DOCK2: variants seen among roughly 807,000 people sequenced by gnomAD.
DOCK2 encodes dedicator of cytokinesis protein 2.
Under a neutral mutation model 248.9 loss-of-function variants are expected in DOCK2, and 87 were observed. That is an observed-to-expected ratio of 0.35 (90% CI 0.29 to 0.42). The LOEUF (loss-of-function observed/expected upper bound fraction) is 0.42, where lower values mean the gene tolerates loss of function less well. Among genes scored for constraint, DOCK2 ranks in the 10% least tolerant of loss-of-function variants. DOCK2 has a pLI of 1.00. For missense variants in DOCK2, 1,747 were observed against 2,300.2 expected, an observed-to-expected ratio of 0.76 and a Z score of 4.92; for synonymous variants, 805 against 821.6, an observed-to-expected ratio of 0.98 and a Z score of 0.35.
chr5:170,025,790 C>CCCT (rs1554126871), intron 33 of DOCK2, among the ~76,000 whole-genome samples: 5 of 67,544 alleles, frequency 7.4e-5, no homozygotes, highest in African/African-American at 1.0e-4. Context: ...CTCCTTCCCT[C>CCCT]CCTTCCTTCC....
intron 22 of DOCK2, among the ~76,000 whole-genome samples, chr5:169,736,359 G>A (rs1277566427): frequency 6.6e-6 from 1 of 152,214 alleles, no homozygotes; most frequent in Non-Finnish European, 1.5e-5. Flanking sequence ...AAGCTCACCT[G>A]TTTGGGTCAG....
chr5:169,859,383 C>T (rs924749208), intron 27 of DOCK2, among the ~76,000 whole-genome samples: 1 of 152,174 alleles, frequency 6.6e-6, no homozygotes, highest in African/African-American at 2.4e-5. Context: ...GGATTATGTT[C>T]ATTAAACCAG....
intron 46 of DOCK2, among the ~76,000 whole-genome samples, chr5:170,070,928 T>C (rs767366994): frequency 6.6e-6 from 1 of 152,172 alleles, no homozygotes; most frequent in Non-Finnish European, 1.5e-5. Context: ...TTTGAAAGCA[T>C]GTACTCTATT....
At chr5:169,815,451 C>G (rs1768006891) in intron 26 of DOCK2, among the ~76,000 whole-genome samples, 1 of 152,136 alleles carries the variant, frequency 6.6e-6, no homozygotes, top group African/African-American at 2.4e-5. Context: ...TCACACACTC[C>G]CTCCTTCCTA....
rs775280554 is a variant in DOCK2, at chr5:169,812,206, C to T, written c.2703+9000C>T. On this transcript the variant is annotated intron_variant, in intron 26 of 51. Transcript: ENST00000520908. ...ATGGCTTGCATTACTGCCTGAGCTCCGCCTCCTTCAGATCAGCGACGGCAT... is the reference window on the plus strand; with the variant it reads ...ATGGCTTGCATTACTGCCTGAGCTCTGCCTCCTTCAGATCAGCGACGGCAT... Among the ~76,000 whole-genome samples, 13 of 152,322 alleles carry T rather than the reference C, an allele frequency of 8.5e-5. No homozygotes were observed. In the South Asian group the frequency reaches 1.7e-3, roughly 19 times the overall value.
chr5:170,068,476 C>G (rs538087357), intron 45 of DOCK2, among the ~76,000 whole-genome samples: 1 of 152,300 alleles, frequency 6.6e-6, no homozygotes, highest in African/African-American at 2.4e-5. Context: ...GAATACCACA[C>G]AGTAGTATAA....
At chr5:169,816,114 T>G (rs539450203) in intron 26 of DOCK2, among the ~76,000 whole-genome samples, 100 of 152,198 alleles carry the variant, frequency 6.6e-4, no homozygotes, top group African/African-American at 2.3e-3. Flanking sequence ...TTGGTCCAGG[T>G]TACAGTTGCT....
intron 27 of DOCK2, among the ~76,000 whole-genome samples, chr5:169,851,128 A>G (rs1770599009): frequency 6.6e-6 from 1 of 152,204 alleles, no homozygotes; most frequent in African/African-American, 2.4e-5. Context: ...CAGGCACTCA[A>G]TTCAAGCTAT....
rs17737476 is a variant in DOCK2, at chr5:169,838,003, T to G, written c.2704-2754T>G. Among the ~76,000 whole-genome samples, 422 of 150,186 alleles carry G rather than the reference T, an allele frequency of 2.8e-3. 15 individuals carry two copies. In the East Asian group the frequency reaches 0.065, roughly 23 times the overall value. ...AAGAGATGTAATCCTGGAAAAAAAA[T>G]AGCATCAAAATGAAAACCATTATAT... is the stretch of plus-strand genomic sequence containing the variant. On this transcript the variant is annotated intron_variant, in intron 26 of 51. Transcript: ENST00000520908.
intron 26 of DOCK2, among the ~76,000 whole-genome samples, chr5:169,819,053 T>C (rs896077313): frequency 3.3e-5 from 5 of 152,202 alleles, no homozygotes; most frequent in African/African-American, 4.8e-5. Flanking sequence ...ATGCCTTCGC[T>C]TTTATATCTG....
intron 36 of DOCK2, among the ~76,000 whole-genome samples, chr5:170,039,215 G>T (rs1352990957): frequency 1.3e-5 from 2 of 152,054 alleles, no homozygotes; most frequent in Admixed American, 6.5e-5. Context: ...AAATGTTTCT[G>T]CCTGGGAAGC....
In DOCK2 at chr5:170,008,284, C is replaced by T. The variant is rs556042055; in HGVS notation, c.3073-213C>T. Among the ~76,000 whole-genome samples, 8 of 151,818 alleles carry T rather than the reference C, an allele frequency of 5.3e-5. No homozygotes were observed. In the South Asian group the frequency reaches 1.0e-3, roughly 20 times the overall value. ...CCAAATCCTGTTGTCTGAGAGTGGA[C>T]GTGGTAGCGCCTAGAGAAATCCATC... On this transcript the variant is annotated intron_variant, in intron 30 of 51. Transcript: ENST00000520908.
At chr5:169,966,078 G>C (rs935171462) in intron 27 of DOCK2, among the ~76,000 whole-genome samples, 2 of 152,172 alleles carry the variant, frequency 1.3e-5, no homozygotes, top group Admixed American at 6.5e-5. Context: ...TGCCAATCTC[G>C]AAATGGCAAT....
intron 1 of DOCK2, among the ~76,000 whole-genome samples, chr5:169,648,300 GGTT>G (rs772315038): frequency 6.6e-6 from 1 of 152,070 alleles, no homozygotes; most frequent in Non-Finnish European, 1.5e-5. Flanking sequence ...CCCTCCCCCA[GGTT>G]GGGACAAGAA....
chr5:169,928,803 G>A (rs921733365), intron 27 of DOCK2, among the ~76,000 whole-genome samples: 4 of 152,198 alleles, frequency 2.6e-5, no homozygotes, highest in Non-Finnish European at 4.4e-5. Flanking sequence ...CAGATCTAAT[G>A]TTATTAGGTT....
At chr5:169,880,587 C>T (rs1317997613) in intron 27 of DOCK2, among the ~76,000 whole-genome samples, 1 of 152,210 alleles carries the variant, frequency 6.6e-6, no homozygotes, top group African/African-American at 2.4e-5. Flanking sequence ...GGGCATTGAT[C>T]TTTCTAGTAA....
At chr5:169,939,546 A>G (rs980520548) in intron 27 of DOCK2, among the ~76,000 whole-genome samples, 4 of 152,028 alleles carry the variant, frequency 2.6e-5, no homozygotes, top group African/African-American at 9.7e-5. Context: ...TATGTGCTGT[A>G]TGTAATTGTG....
In DOCK2 at chr5:170,045,902, C is replaced by T. The variant is rs759405150; in HGVS notation, c.3963C>T (p.Asn1321=). 7 of 1,614,014 alleles carry T rather than the reference C, an allele frequency of 4.3e-6. No homozygotes were observed. Among genetic ancestry groups the T allele is most frequent in the African/African-American group, 1.3e-5 (1 of 74,922 alleles). The change falls in exon 39 of 52, where the codon AAC becomes AAT. Residue 1321 remains asparagine (N), a synonymous_variant. Coordinates refer to ENST00000520908, the MANE Select transcript of DOCK2 (RefSeq NM_004946.3). ...TTGACTATGAGCTGCTCAGCCAGAA[C>T]CTGGTAAGGCATCCCCTGGGAAGGC... The part of the protein sequence containing the change: ...EIFDYELLSQ[N]LIQQAKFYES...
intron 32 of DOCK2, among the ~76,000 whole-genome samples, chr5:170,013,955 A>G (rs1755409212): frequency 6.6e-6 from 1 of 152,102 alleles, no homozygotes; most frequent in Non-Finnish European, 1.5e-5. Context: ...CGAAGGGGAA[A>G]TAGCTGTAGA....
Sources: gnomAD v4.1 joint callset for allele counts (sites outside exome capture counted in the v4.1 genomes callset) on GRCh38, gnomAD v4.1.1 for gene constraint, MANE v1.5 for transcripts, NCBI Gene and HGNC (gene_info 2026-07-23, HGNC 2026-07-21) for gene names.